Variants in ATAD2B observed in about 807,000 individuals in gnomAD.
ATAD2B encodes the protein ATPase family AAA domain containing 2B.
ATAD2B carries 40 observed loss-of-function variants against 167.6 expected under a neutral mutation model. That is an observed-to-expected ratio of 0.24 (90% CI 0.19 to 0.31). ATAD2B has a LOEUF of 0.31. Ranked by LOEUF, ATAD2B falls within the 10% of genes least tolerant of loss-of-function variation. ATAD2B has a pLI of 1.00. For synonymous variants in ATAD2B, 579 were observed against 596.5 expected, an observed-to-expected ratio of 0.97 and a Z score of 0.43; for missense variants, 1,242 against 1,757.2, an observed-to-expected ratio of 0.71 and a Z score of 5.24.
rs1691425814 is a variant in ATAD2B at position 23,844,497 on chromosome 2, A to T, written c.1569-10419T>A. Among the ~76,000 whole-genome samples the T allele has an allele frequency of 9.9e-5, 12 of 120,940 alleles. No homozygotes were observed. The South Asian group carries it at 3.4e-3, about 34-fold the overall frequency. The allele number at this position is 120,940 out of a possible 152,430, so 79.3% of individuals were successfully genotyped here. ...ACTAACCCAGAAATACAATATTAGAATTGCCAAAGGCATTAAAGTAGGCAT... is the reference window on the plus strand; with the variant it reads ...ACTAACCCAGAAATACAATATTAGATTTGCCAAAGGCATTAAAGTAGGCAT... On this transcript the variant is annotated intron_variant, in intron 13 of 27. Coordinates refer to ENST00000238789, the MANE Select transcript of ATAD2B (RefSeq NM_017552.4).
chr2:23,691,965 C>CTG, the ATAD2B span: 1 of 1,318,602 alleles, frequency 7.6e-7, no homozygotes, highest in Non-Finnish European at 1.0e-6. Context: ...GCGGGGAGGT[C>CTG]TGTGTGTGCA....
chr2:23,828,753 A>G (rs1572937543), intron 15 of ATAD2B, 96 bp downstream of exon 15: 1 of 753,114 alleles, frequency 1.3e-6, no homozygotes, highest in East Asian at 2.6e-5. Context: ...GCACAATCAA[A>G]AACATAACTA....
chr2:23,779,981 A>T (rs1679750677), intron 22 of ATAD2B, among the ~76,000 whole-genome samples: 1 of 152,206 alleles, frequency 6.6e-6, no homozygotes, highest in Non-Finnish European at 1.5e-5. Flanking sequence ...GCACTAGCTC[A>T]CATGGGTAAT....
In ATAD2B at chr2:23,909,477, T is replaced by TATAC. The variant is rs559538783; in HGVS notation, c.217-13511_217-13508dup. Among the ~76,000 whole-genome samples, 596 of 151,814 alleles carry TATAC rather than the reference T, an allele frequency of 3.9e-3. 4 individuals carry two copies. The highest frequency in any genetic ancestry group is 0.017 in the Middle Eastern group (5 of 294). ...ACACACACACACACATACATATATA[T>TATAC]ATACATACATACATACATATATATT... On this transcript the variant is annotated intron_variant, in intron 1 of 27. Transcript: ENST00000238789.
At chr2:23,878,025 A>AGAAAAAAGAAAAAAG (rs71310116) in intron 7 of ATAD2B, among the ~76,000 whole-genome samples, 1 of 106,878 alleles carries the variant, frequency 9.4e-6, no homozygotes, top group East Asian at 3.8e-4. Context: ...AAAAAAAAAA[A>AGAAAAAAGAAAAAAG]AAAAAAAAAA....
chr2:23,872,539 C>T, intron 8 of ATAD2B: 1 of 942,896 alleles, frequency 1.1e-6, no homozygotes, highest in Non-Finnish European at 1.7e-6. Context: ...TTTGAGAGTC[C>T]TTCAGACTCT....
At chr2:23,915,400 T>A (rs1702890219) in intron 1 of ATAD2B, among the ~76,000 whole-genome samples, 1 of 151,054 alleles carries the variant, frequency 6.6e-6, no homozygotes, top group Admixed American at 6.6e-5. Flanking sequence ...ACCCTACCTA[T>A]TAACCACTGT....
At chr2:23,744,089 A>T (rs1311859564), downstream of ATAD2B, among the ~76,000 whole-genome samples, 1 of 152,232 alleles carries the variant, frequency 6.6e-6, no homozygotes, top group South Asian at 2.1e-4. Context: ...GACCAAAATT[A>T]TAAACAACTG....
chr2:23,874,324 A>G (rs999031947), intron 8 of ATAD2B, among the ~76,000 whole-genome samples: 1 of 152,224 alleles, frequency 6.6e-6, no homozygotes, highest in African/African-American at 2.4e-5. Flanking sequence ...AGGAAACCAT[A>G]GGAACAAATC....
At chr2:23,878,010 CAAAGAAAAAAAAAAAAAAA>C (rs1463129742) in intron 7 of ATAD2B, among the ~76,000 whole-genome samples, 1 of 28,600 alleles carries the variant, frequency 3.5e-5, no homozygotes, top group Non-Finnish European at 6.5e-5. Flanking sequence ...ACCCTATCTC[CAAAGAAAAAAAAAAAAAAA>C]AAAAAAAAAA....
the ATAD2B span, chr2:23,703,582 C>A: frequency 8.4e-7 from 1 of 1,188,726 alleles, no homozygotes; most frequent in Non-Finnish European, 1.1e-6. Flanking sequence ...CCCTAGGCCC[C>A]GGACCCATCC....
chr2:23,706,853 CACCGCGCTTGGAGCCGCAGGA>C, the ATAD2B span: 3 of 520,394 alleles, frequency 5.8e-6, no homozygotes, highest in Non-Finnish European at 9.7e-6. Flanking sequence ...GAAACGGAGG[CACCGCGCTTGGAGCCGCAGGA>C]ACCACGATCC....
intron 1 of ATAD2B, among the ~76,000 whole-genome samples, chr2:23,907,659 A>G (rs1701688499): frequency 6.6e-6 from 1 of 152,192 alleles, no homozygotes; most frequent in African/African-American, 2.4e-5. Flanking sequence ...ATATGGAACC[A>G]AAAAAGAGCC....
At chr2:23,775,414 A>G (rs1320165316) in intron 22 of ATAD2B, among the ~76,000 whole-genome samples, 1 of 151,960 alleles carries the variant, frequency 6.6e-6, no homozygotes, top group Non-Finnish European at 1.5e-5. Flanking sequence ...GGGTTTCACC[A>G]TGTTAGCCAG....
the ATAD2B span, chr2:23,695,508 A>G: frequency 1.3e-6 from 1 of 748,656 alleles, no homozygotes; most frequent in Non-Finnish European, 2.1e-6. This position sits in a 1 kb window ranked among gnomAD's most constrained non-coding sequence, Gnocchi z 7.6. Flanking sequence ...TACACTCCCA[A>G]GCCTAACACA....
chr2:23,790,333 G>GT (rs1681478833), intron 19 of ATAD2B, among the ~76,000 whole-genome samples: 1 of 152,136 alleles, frequency 6.6e-6, no homozygotes, highest in African/African-American at 2.4e-5. Flanking sequence ...AAGACACTAG[G>GT]TAAGATGTAC....
At chr2:23,884,980 T>TTG in intron 5 of ATAD2B, 107 bp from the exon 6 acceptor site, 1 of 481,728 alleles carries the variant, frequency 2.1e-6, no homozygotes, top group Admixed American at 4.2e-5. Context: ...TGAGCACCTA[T>TTG]TTGCGTGCCA....
chr2:23,730,064 G>C, the ATAD2B span, among the ~76,000 whole-genome samples: 1 of 152,094 alleles, frequency 6.6e-6, no homozygotes, highest in Non-Finnish European at 1.5e-5. Context: ...GCTACTAACA[G>C]AACACTCCAC....
intron 22 of ATAD2B, among the ~76,000 whole-genome samples, chr2:23,777,356 A>ATATCTATATCTATATCTG (rs1679309350): frequency 6.6e-6 from 1 of 150,894 alleles, no homozygotes; most frequent in South Asian, 2.1e-4. Flanking sequence ...TGATATATCT[A>ATATCTATATCTATATCTG]TATCTATATC....
Sources: allele counts gnomAD v4.1 joint callset (sites outside exome capture counted in the v4.1 genomes callset), GRCh38; gene constraint gnomAD v4.1.1; non-coding constraint Gnocchi (gnomAD v3.1); transcripts MANE v1.5; gene names NCBI Gene and HGNC (gene_info 2026-07-23, HGNC 2026-07-21).